The following TSHZ2 variants were observed in gnomAD, a reference collection of about 807,000 sequenced individuals.
TSHZ2 encodes the protein teashirt homolog 2.
TSHZ2 carries 21 observed loss-of-function variants against 74.4 expected under a neutral mutation model. That is an observed-to-expected ratio of 0.28 (90% CI 0.20 to 0.41). The LOEUF is 0.41. Among genes scored for constraint, TSHZ2 ranks in the 10% least tolerant of loss-of-function variants. The pLI is 1.00. For missense variants in TSHZ2, 1,244 were observed against 1,293.5 expected (o/e 0.96, Z 0.59); for synonymous variants, 540 against 515.3 (o/e 1.05, Z -0.65).
At chr20:53,252,399 GC>G (rs1434125191) in intron 1 of TSHZ2, among the ~76,000 whole-genome samples, 1 of 152,192 alleles carries the variant, frequency 6.6e-6, no homozygotes, top group African/African-American at 2.4e-5. Context: ...TGCAGGCCTT[GC>G]AAACCTAAAA....
At chr20:53,403,573 T>A (rs1982746289) in intron 2 of TSHZ2, among the ~76,000 whole-genome samples, 1 of 152,200 alleles carries the variant, frequency 6.6e-6, no homozygotes, top group Non-Finnish European at 1.5e-5. Context: ...TCCTCCTTCA[T>A]GTTCACGGAT....
intron 1 of TSHZ2, among the ~76,000 whole-genome samples, chr20:53,121,471 T>G (rs1986809044): frequency 6.6e-6 from 1 of 152,170 alleles, no homozygotes; most frequent in African/African-American, 2.4e-5. Flanking sequence ...CAGTTGACAC[T>G]GCACCTGTAA....
At chr20:53,261,931 T>C (rs918661228) in intron 2 of TSHZ2, among the ~76,000 whole-genome samples, 9 of 152,226 alleles carry the variant, frequency 5.9e-5, no homozygotes, top group Admixed American at 4.6e-4. Flanking sequence ...AAGAGCTAAA[T>C]TGTGTCATTA....
At chr20:53,283,882 G>A (rs562797343) in intron 2 of TSHZ2, among the ~76,000 whole-genome samples, 4 of 152,308 alleles carry the variant, frequency 2.6e-5, no homozygotes, top group South Asian at 4.1e-4. Context: ...TGCATGCTTG[G>A]TCTGTGACCT....
intron 1 of TSHZ2, among the ~76,000 whole-genome samples, chr20:52,988,461 T>C (rs6068418): frequency 0.027 from 4,137 of 152,276 alleles, 90 homozygotes; most frequent in Non-Finnish European, 0.042. Context: ...TTGCTTCTCA[T>C]AGTATTTCAT....
chr20:53,323,726 CCA>C (rs1979379587), intron 2 of TSHZ2, among the ~76,000 whole-genome samples: 1 of 151,728 alleles, frequency 6.6e-6, no homozygotes, highest in African/African-American at 2.4e-5. Flanking sequence ...CAGGCGCACA[CCA>C]CCACACCCAG....
chr20:53,027,699 CA>C (rs1983497200), intron 1 of TSHZ2, among the ~76,000 whole-genome samples: 1 of 151,956 alleles, frequency 6.6e-6, no homozygotes, highest in African/African-American at 2.4e-5. Flanking sequence ...TTTGAAGCTG[CA>C]ATAAGTTAAG....
At chr20:52,999,688 G>A (rs1982341606) in intron 1 of TSHZ2, among the ~76,000 whole-genome samples, 1 of 152,158 alleles carries the variant, frequency 6.6e-6, no homozygotes, top group Non-Finnish European at 1.5e-5. Context: ...GGAATCATCA[G>A]AATCGCCTCT....
chr20:53,416,841 C>A (rs1983271382), intron 2 of TSHZ2, among the ~76,000 whole-genome samples: 1 of 152,228 alleles, frequency 6.6e-6, no homozygotes, highest in Non-Finnish European at 1.5e-5. Flanking sequence ...GATTGCATCC[C>A]CAAATGTGAA....
intron 2 of TSHZ2, among the ~76,000 whole-genome samples, chr20:53,428,126 T>C (rs1032080734): frequency 6.6e-6 from 1 of 152,222 alleles, no homozygotes; most frequent in Non-Finnish European, 1.5e-5. Flanking sequence ...GAGAAGTCTC[T>C]GTGGGGGCAT....
chr20:53,352,866 C>A (rs1420216324), intron 2 of TSHZ2, among the ~76,000 whole-genome samples: 1 of 151,562 alleles, frequency 6.6e-6, no homozygotes. Flanking sequence ...GGTGCAAATT[C>A]CTTTGGTATT....
At chr20:53,294,803 A>G (rs2145467060) in intron 2 of TSHZ2, among the ~76,000 whole-genome samples, 1 of 152,230 alleles carries the variant, frequency 6.6e-6, no homozygotes, top group Admixed American at 6.5e-5. Context: ...ATCTTTCACA[A>G]TCCTTGTTTT....
At chr20:52,996,311 A>T (rs781098538) in intron 1 of TSHZ2, among the ~76,000 whole-genome samples, 2 of 58,562 alleles carry the variant, frequency 3.4e-5, no homozygotes, top group African/African-American at 1.5e-4. Context: ...TCAGGTTTTT[A>T]TTTATTTATT....
intron 2 of TSHZ2, among the ~76,000 whole-genome samples, chr20:53,385,833 TGAAAA>T (rs2145648067): frequency 6.6e-6 from 1 of 152,026 alleles, no homozygotes; most frequent in South Asian, 2.1e-4. Flanking sequence ...TTCGAGAATC[TGAAAA>T]GAAAGCTGGA....
intron 1 of TSHZ2, among the ~76,000 whole-genome samples, chr20:53,211,847 A>G (rs1052812077): frequency 1.3e-5 from 2 of 152,186 alleles, no homozygotes; most frequent in African/African-American, 4.8e-5. Context: ...AGAAGTGAAC[A>G]TTGTACCCAA....
intron 1 of TSHZ2, among the ~76,000 whole-genome samples, chr20:53,017,479 G>T (rs1037678767): frequency 6.6e-6 from 1 of 152,136 alleles, no homozygotes; most frequent in East Asian, 1.9e-4. Context: ...TAATGTGTAT[G>T]TGAAAAAGAT....
At chr20:53,322,559 G>A (rs1979316236) in intron 2 of TSHZ2, among the ~76,000 whole-genome samples, 1 of 151,682 alleles carries the variant, frequency 6.6e-6, no homozygotes, top group Non-Finnish European at 1.5e-5. Flanking sequence ...CCGCTCTTCT[G>A]TTCTCATTCC....
At chr20:53,112,290 T>C (rs1432509402) in intron 1 of TSHZ2, among the ~76,000 whole-genome samples, 1 of 152,068 alleles carries the variant, frequency 6.6e-6, no homozygotes, top group Non-Finnish European at 1.5e-5. Flanking sequence ...AAAACACAAA[T>C]TCACAGATAA....
At chr20:53,055,597 G>T (rs1034183000) in intron 1 of TSHZ2, among the ~76,000 whole-genome samples, 1 of 151,936 alleles carries the variant, frequency 6.6e-6, no homozygotes, top group Non-Finnish European at 1.5e-5. Flanking sequence ...TCCTCCTCTC[G>T]TTGGAACATT....
Sources: allele counts gnomAD v4.1 joint callset (sites outside exome capture counted in the v4.1 genomes callset), GRCh38; gene constraint gnomAD v4.1.1; transcripts MANE v1.5; gene names NCBI Gene and HGNC (gene_info 2026-07-23, HGNC 2026-07-21).